Variants in GRIN2A observed in about 807,000 individuals in gnomAD.
GRIN2A encodes glutamate receptor ionotropic, NMDA 2A.
GRIN2A carries 22 observed loss-of-function variants against 113.4 expected under a neutral mutation model. The ratio of observed to expected loss-of-function variants is 0.19; its 90% confidence interval spans 0.14 to 0.28. GRIN2A has a LOEUF of 0.28. GRIN2A is among the 10% of genes least tolerant of loss of function. The pLI, the probability that GRIN2A is intolerant of heterozygous loss-of-function variation, is 1.00. For missense variants in GRIN2A, 1,502 were observed against 1,887.0 expected (o/e 0.80, Z 3.78); for synonymous variants, 827 against 738.4 (o/e 1.12, Z -1.94).
chr16:10,032,288 C>G (rs543634578), intron 2 of GRIN2A, among the ~76,000 whole-genome samples: 1 of 152,312 alleles, frequency 6.6e-6, no homozygotes, highest in South Asian at 2.1e-4. Flanking sequence ...ACATGGGAGA[C>G]TTCAATGACA....
At chr16:10,050,855 T>C (rs543969967) in intron 2 of GRIN2A, among the ~76,000 whole-genome samples, 181 of 152,244 alleles carry the variant, frequency 1.2e-3, no homozygotes, top group African/African-American at 3.9e-3. Context: ...AGCCCTGCTT[T>C]CACAAACCTT....
chr16:9,846,221 G>T (rs1175162617), intron 5 of GRIN2A, among the ~76,000 whole-genome samples: 1 of 152,092 alleles, frequency 6.6e-6, no homozygotes, highest in Non-Finnish European at 1.5e-5. Flanking sequence ...TCATCTCCAG[G>T]AGAGTGGAGG....
At chr16:10,161,433 A>G (rs1279310348) in intron 2 of GRIN2A, among the ~76,000 whole-genome samples, 2 of 152,214 alleles carry the variant, frequency 1.3e-5, no homozygotes, top group Non-Finnish European at 2.9e-5. Context: ...ATGAAGGGAA[A>G]AATGGACACA....
At chr16:10,105,774 G>A (rs1200678184) in intron 2 of GRIN2A, among the ~76,000 whole-genome samples, 2 of 152,282 alleles carry the variant, frequency 1.3e-5, no homozygotes, top group East Asian at 3.9e-4. Flanking sequence ...GGGCATGGTG[G>A]TGCGCACACG....
intron 2 of GRIN2A, among the ~76,000 whole-genome samples, chr16:10,142,992 T>A (rs147943366): frequency 6.6e-6 from 1 of 152,252 alleles, no homozygotes; most frequent in African/African-American, 2.4e-5. Flanking sequence ...TGAAAGCAAC[T>A]CATTATAGGA....
intron 5 of GRIN2A, among the ~76,000 whole-genome samples, chr16:9,846,776 T>G (rs1380297120): frequency 6.6e-6 from 1 of 152,018 alleles, no homozygotes; most frequent in African/African-American, 2.4e-5. Context: ...AAAGGATGAG[T>G]AAGAATTAGG....
intron 9 of GRIN2A, 62 bp downstream of exon 9, chr16:9,829,361 C>T (rs1181080781): frequency 9.6e-7 from 1 of 1,039,402 alleles, no homozygotes. Context: ...GAATCTCTTC[C>T]TCCTGAAAGG....
intron 3 of GRIN2A, among the ~76,000 whole-genome samples, chr16:9,927,928 G>GC (rs112322952): frequency 8.9e-4 from 136 of 152,238 alleles, no homozygotes; most frequent in African/African-American, 3.1e-3. Context: ...TTTGTGTTTG[G>GC]CCAGGACTTA....
intron 11 of GRIN2A, among the ~76,000 whole-genome samples, chr16:9,781,414 G>A (rs985023966): frequency 1.3e-5 from 2 of 152,116 alleles, no homozygotes; most frequent in African/African-American, 4.8e-5. Context: ...ATGCTGGAGT[G>A]CAGTGGAAGG....
At position 9,816,117 on chromosome 16, in the gene GRIN2A, G is replaced by C. The variant is rs139754250; in HGVS notation, c.2168+6147C>G. Among the ~76,000 whole-genome samples the C allele has an allele frequency of 8.3e-3, 1,263 of 152,314 alleles. 8 individuals carry two copies. The highest frequency in any genetic ancestry group is 0.014 in the Middle Eastern group (4 of 294). ...GCCAGGCGCTAGGGAAAAGGGGGTT[G>C]AGGAGTTTTTGTTTAGTGGATAGAG... On this transcript the variant is annotated intron_variant, in intron 10 of 12. Transcript: ENST00000330684.
In GRIN2A at chr16:10,180,040, G is replaced by A; in HGVS notation, c.372C>T (p.Ile124=). ...TAGATGCGCCCCCATGAATGCCCAA[G>A]ATGGGGACGAAGGTGTGGGAGGAGA... ...DFISSHTFVP[I]LGIHGGASMI... is the part of the protein sequence containing the mutation. Residue 124 remains isoleucine (I), a synonymous_variant, in exon 2 of 13, where the codon ATC becomes ATT. Transcript: ENST00000330684. The surrounding 1 kb of genome is among the most constrained non-coding windows in gnomAD (Gnocchi z 7.0). The A allele has an allele frequency of 6.2e-7, 1 of 1,613,994 alleles. No individual in the cohort carries two copies. The highest frequency in any genetic ancestry group is 8.5e-7 in the Non-Finnish European group (1 of 1,179,846).
chr16:10,181,819 C>T (rs1049187005), intron 1 of GRIN2A, 58 bp downstream of exon 1: 1 of 153,246 alleles, frequency 6.5e-6, no homozygotes, highest in African/African-American at 2.4e-5. Flanking sequence ...CGCTCTCCCT[C>T]CGGTCGAGTC....
At chr16:10,057,904 T>C (rs1339946494) in intron 2 of GRIN2A, among the ~76,000 whole-genome samples, 2 of 152,218 alleles carry the variant, frequency 1.3e-5, no homozygotes, top group African/African-American at 4.8e-5. Flanking sequence ...ACGACCACTT[T>C]GGCAGGCTGG....
intron 2 of GRIN2A, among the ~76,000 whole-genome samples, chr16:10,044,676 G>A (rs370148387): frequency 6.7e-6 from 1 of 149,982 alleles, no homozygotes; most frequent in Non-Finnish European, 1.5e-5. Context: ...TAAATGTTAT[G>A]AAAGGGATGC....
At chr16:10,029,505 A>G (rs1416090707) in intron 2 of GRIN2A, among the ~76,000 whole-genome samples, 1 of 152,236 alleles carries the variant, frequency 6.6e-6, no homozygotes, top group Non-Finnish European at 1.5e-5. Context: ...ACTCAAAAGA[A>G]AAACAGTATT....
intron 2 of GRIN2A, among the ~76,000 whole-genome samples, chr16:9,960,253 C>T (rs189823130): frequency 1.3e-5 from 2 of 152,272 alleles, no homozygotes; most frequent in East Asian, 3.9e-4. Context: ...TTTATAACAA[C>T]CTAAGTAGAG....
chr16:9,825,000 C>T (rs1253665754), intron 9 of GRIN2A, among the ~76,000 whole-genome samples: 1 of 151,970 alleles, frequency 6.6e-6, no homozygotes, highest in Non-Finnish European at 1.5e-5. Flanking sequence ...AGAAAGAATC[C>T]AATATGGGCT....
chr16:9,769,040 G>T lies in GRIN2A; in HGVS notation c.2406C>A (p.Asn802Lys). 6.2e-7 allele frequency: 1 copy of T among 1,614,148 alleles called. No individual in the cohort carries two copies. Among genetic ancestry groups the T allele is most frequent in the Non-Finnish European group, 8.5e-7 (1 of 1,180,020 alleles). The change falls in exon 12 of 13, where the codon AAC becomes AAA. Residue 802 changes from asparagine to lysine, a missense_variant. By Grantham distance (94) the Asn-to-Lys change is moderately conservative. This residue lies in a region of GRIN2A where 101 missense variants were observed against 240.4 expected (regional missense o/e 0.42). Transcript: ENST00000330684. ...GGCTGCTCATCACCTCGTTCTTCTC[G>T]TTGTGGCAGATCCCAGTGAGCCACA... ...ETLWLTGICHNEKNEVMSSQL... is the reference protein window; with the variant it reads ...ETLWLTGICHKEKNEVMSSQL...
At chr16:9,988,710 G>A (rs143910317) in intron 2 of GRIN2A, among the ~76,000 whole-genome samples, 54 of 152,224 alleles carry the variant, frequency 3.5e-4, no homozygotes, top group Non-Finnish European at 6.5e-4. Flanking sequence ...GAGGAACAGG[G>A]AATTTAAATA....
Sources: allele counts gnomAD v4.1 joint callset (sites outside exome capture counted in the v4.1 genomes callset), GRCh38; gene constraint gnomAD v4.1.1; regional missense constraint gnomAD v4.1.1; non-coding constraint Gnocchi (gnomAD v3.1); transcripts MANE v1.5; gene names NCBI Gene and HGNC (gene_info 2026-07-23, HGNC 2026-07-21).